Variants in BIRC6 observed in about 807,000 individuals in gnomAD.
BIRC6 encodes dual E2 ubiquitin-conjugating enzyme/E3 ubiquitin-protein ligase BIRC6.
BIRC6 carries 98 observed loss-of-function variants against 503.3 expected under a neutral mutation model. That is an observed-to-expected ratio of 0.19 (90% CI 0.17 to 0.23). BIRC6 has a LOEUF of 0.23. BIRC6 is among the 10% of genes least tolerant of loss of function. The pLI is 1.00. For synonymous variants in BIRC6, 2,240 were observed against 2,078.7 expected (o/e 1.08, Z -2.11); for missense variants, 5,360 against 5,806.0 (o/e 0.92, Z 2.50).
intron 40 of BIRC6, among the ~76,000 whole-genome samples, chr2:32,486,896 G>A (rs1265880950): frequency 1.3e-5 from 2 of 151,970 alleles, no homozygotes; most frequent in African/African-American, 4.8e-5. Flanking sequence ...AGGGTCCAGT[G>A]TCTGCATGAT....
chr2:32,395,748 G>A (rs1245699129), intron 6 of BIRC6, among the ~76,000 whole-genome samples, 155 bp downstream of exon 6: 1 of 152,120 alleles, frequency 6.6e-6, no homozygotes, highest in Non-Finnish European at 1.5e-5. Flanking sequence ...TCTATACTCT[G>A]GCACACCACT....
rs190934652 is a variant in BIRC6 at position 32,558,721 on chromosome 2, C to T, written c.13144+9240C>T. 2.6e-5 allele frequency: 4 copies of T among 152,232 alleles called. No individual in the cohort carries two copies. In the East Asian group the frequency reaches 7.7e-4, roughly 29 times the overall value. 9.4% of individuals were successfully genotyped at this position (152,232 alleles called of 1,614,324 possible). On this transcript the variant is annotated intron_variant, in intron 65 of 73. Transcript: ENST00000421745. ...TTAGTCCACAATAGTGATGAATGAA[C>T]CTTTTCTCTTCACGGAGGGCTTGTG...
intron 22 of BIRC6, 120 bp from the exon 23 acceptor site, chr2:32,453,688 G>A: frequency 3.1e-6 from 3 of 971,816 alleles, no homozygotes; most frequent in Non-Finnish European, 4.7e-6. Flanking sequence ...CAAGCACTGT[G>A]TAAGAGTTGT....
chr2:32,500,883 G>GT (rs1196014147), intron 46 of BIRC6, among the ~76,000 whole-genome samples: 3 of 151,988 alleles, frequency 2.0e-5, no homozygotes, highest in Non-Finnish European at 4.4e-5. Flanking sequence ...AGGATTACAG[G>GT]TGTGAGCCAC....
intron 65 of BIRC6, among the ~76,000 whole-genome samples, chr2:32,550,964 A>C (rs1405806381): frequency 6.6e-6 from 1 of 152,110 alleles, no homozygotes; most frequent in African/African-American, 2.4e-5. Flanking sequence ...TGGAAAAAAG[A>C]AATTTCTTTC....
intron 10 of BIRC6, among the ~76,000 whole-genome samples, chr2:32,418,046 T>C (rs1174133965): frequency 6.6e-6 from 1 of 152,218 alleles, no homozygotes; most frequent in East Asian, 1.9e-4. Flanking sequence ...TCCCAAAGTG[T>C]TGGGATTATA....
intron 45 of BIRC6, among the ~76,000 whole-genome samples, chr2:32,497,989 A>G (rs942639007): frequency 1.3e-5 from 2 of 152,152 alleles, no homozygotes; most frequent in African/African-American, 4.8e-5. Context: ...CTTTTAAGAA[A>G]TCTTTTTCTG....
chr2:32,357,561 C>T lies in BIRC6; in HGVS notation c.325+75C>T, dbSNP rs2033278113. 6.7e-7 allele frequency: 1 copy of T among 1,502,440 alleles called. No individual in the cohort carries two copies. The highest frequency in any genetic ancestry group is 8.8e-7 in the Non-Finnish European group (1 of 1,130,580). 93.1% of individuals were successfully genotyped at this position (1,502,440 alleles called of 1,614,324 possible). A position where few individuals can be genotyped will look rare whatever the true frequency, so the allele number is the denominator to read the frequency against. ...CCAGCCCCGGGGCTCGGCCTCGCGA[C>T]TCGGGGAAGCGAGATGGCGAGAGGG... On this transcript the variant is annotated intron_variant, in intron 1 of 73. Coordinates refer to ENST00000421745, the MANE Select transcript of BIRC6 (RefSeq NM_016252.4). This position sits in a 1 kb window ranked among gnomAD's most constrained non-coding sequence, Gnocchi z 4.9.
chr2:32,434,086 A>G (rs544933168), intron 13 of BIRC6, among the ~76,000 whole-genome samples: 1 of 152,180 alleles, frequency 6.6e-6, no homozygotes, highest in Non-Finnish European at 1.5e-5. Flanking sequence ...TAGCATTACT[A>G]GCTTTATGTA....
intron 61 of BIRC6, among the ~76,000 whole-genome samples, chr2:32,535,696 A>G (rs2057173889): frequency 6.6e-6 from 1 of 152,218 alleles, no homozygotes; most frequent in South Asian, 2.1e-4. Flanking sequence ...TTCTTAATCC[A>G]GTCTATCACT....
chr2:32,505,380 C>T, intron 50 of BIRC6, 175 bp downstream of exon 50: 1 of 580,350 alleles, frequency 1.7e-6, no homozygotes, highest in Non-Finnish European at 3.0e-6. Context: ...GGAGAAATGA[C>T]TGTTAACCTC....
At position 32,535,379 on chromosome 2, in the gene BIRC6, T is replaced by G. The variant is rs184486207; in HGVS notation, c.12291+3828T>G. Among the ~76,000 whole-genome samples, 135 of 152,264 alleles carry G rather than the reference T, an allele frequency of 8.9e-4. 2 individuals carry two copies. The highest frequency in any genetic ancestry group is 3.1e-3 in the African/African-American group (127 of 41,544). On this transcript the variant is annotated intron_variant, in intron 61 of 73. Transcript: ENST00000421745. ...CAGGTTTGTTACACATGTATACATG[T>G]GCAATGTTGGTATGCTGCACCCATT...
chr2:32,434,086 A>C (rs544933168), intron 13 of BIRC6, among the ~76,000 whole-genome samples: 1 of 152,298 alleles, frequency 6.6e-6, no homozygotes, highest in East Asian at 1.9e-4. Context: ...TAGCATTACT[A>C]GCTTTATGTA....
At chr2:32,500,879 A>G (rs1420274310) in intron 46 of BIRC6, among the ~76,000 whole-genome samples, 1 of 151,780 alleles carries the variant, frequency 6.6e-6, no homozygotes, top group African/African-American at 2.4e-5. Context: ...TGCTAGGATT[A>G]CAGGTGTGAG....
At chr2:32,453,750 G>C (rs1278035240) in intron 22 of BIRC6, 58 bp from the exon 23 acceptor site, 6 of 1,520,922 alleles carry the variant, frequency 3.9e-6, no homozygotes, top group Non-Finnish European at 5.4e-6. Flanking sequence ...TTATTGTTGT[G>C]ACTATTGCTT....
intron 61 of BIRC6, 51 bp downstream of exon 61, chr2:32,531,602 A>C: frequency 7.0e-7 from 1 of 1,421,098 alleles, no homozygotes; most frequent in Non-Finnish European, 9.5e-7. Flanking sequence ...TAAGCCCTTC[A>C]TTCTTTTTAA....
chr2:32,452,982 G>A (rs148203023), intron 22 of BIRC6, among the ~76,000 whole-genome samples: 2,188 of 151,774 alleles, frequency 0.014, 33 homozygotes, highest in Non-Finnish European at 0.023. Context: ...AGCTGTTAAT[G>A]ACAGTTTTTA....
At chr2:32,394,155 A>G (rs1005023054) in intron 5 of BIRC6, among the ~76,000 whole-genome samples, 3 of 142,604 alleles carry the variant, frequency 2.1e-5, no homozygotes, top group African/African-American at 7.7e-5. Flanking sequence ...TGATGCCTTG[A>G]TTTTTTTTTT....
intron 1 of BIRC6, among the ~76,000 whole-genome samples, chr2:32,363,157 C>T (rs2034374094): frequency 6.6e-6 from 1 of 151,894 alleles, no homozygotes; most frequent in Non-Finnish European, 1.5e-5. Context: ...ATAGTGAGAC[C>T]TTGTCTCTAG....
Sources: allele counts gnomAD v4.1 joint callset (sites outside exome capture counted in the v4.1 genomes callset), GRCh38; gene constraint gnomAD v4.1.1; non-coding constraint Gnocchi (gnomAD v3.1); transcripts MANE v1.5; gene names NCBI Gene and HGNC (gene_info 2026-07-23, HGNC 2026-07-21).